SCN7A: variants seen among roughly 807,000 people sequenced by gnomAD.
SCN7A encodes the protein sodium voltage-gated channel alpha subunit 7.
In SCN7A, 138 loss-of-function variants were observed where a neutral mutation model predicts 155.2. The observed-to-expected ratio is 0.89, with a 90% confidence interval of 0.77 to 1.02. The LOEUF (loss-of-function observed/expected upper bound fraction) is 1.02. Among genes scored for constraint, SCN7A ranks in the 50% least tolerant of loss-of-function variants. The probability of loss-of-function intolerance (pLI) is 0.00; values close to 1 mark genes in which losing one functional copy is unlikely to be tolerated. For missense variants in SCN7A, 2,058 were observed against 1,986.6 expected (o/e 1.04, Z -0.68); for synonymous variants, 693 against 649.0 (o/e 1.07, Z -1.03).
At chr2:166,430,134 C>T (rs989675451) in intron 16 of SCN7A, among the ~76,000 whole-genome samples, 5 of 151,850 alleles carry the variant, frequency 3.3e-5, no homozygotes, top group African/African-American at 1.2e-4. Flanking sequence ...TGAAACCAAT[C>T]TTATTTCATA....
chr2:166,413,992 T>TATATATATATATATATAA (rs1701261414), intron 21 of SCN7A, among the ~76,000 whole-genome samples: 3 of 100,812 alleles, frequency 3.0e-5, no homozygotes, highest in African/African-American at 1.2e-4. Context: ...TATATATATA[T>TATATATATATATATATAA]ATATATATAT....
At chr2:166,473,197 A>C (rs1456186677) in intron 5 of SCN7A, among the ~76,000 whole-genome samples, 1 of 151,820 alleles carries the variant, frequency 6.6e-6, no homozygotes, top group Non-Finnish European at 1.5e-5. Context: ...AAAAAAAAAA[A>C]GTTCAATAAA....
intron 1 of SCN7A, among the ~76,000 whole-genome samples, chr2:166,488,072 G>A (rs1480501042): frequency 6.6e-6 from 1 of 152,192 alleles, no homozygotes; most frequent in African/African-American, 2.4e-5. Context: ...CAGAGTTAAT[G>A]TGACCATTGT....
At chr2:166,437,473 A>C (rs975578301) in intron 15 of SCN7A, among the ~76,000 whole-genome samples, 5 of 152,184 alleles carry the variant, frequency 3.3e-5, no homozygotes, top group Non-Finnish European at 7.4e-5. Flanking sequence ...AAAGAAATGT[A>C]GGGTTGGAGC....
At position 166,486,830 on chromosome 2, in the gene SCN7A, T is replaced by C. The variant is rs1172383; in HGVS notation, c.-15+26A>G. On this transcript the variant is annotated intron_variant, in intron 2 of 25. Coordinates refer to ENST00000643258, the MANE Select transcript of SCN7A (RefSeq NM_002976.4). The stretch of plus-strand genomic sequence containing the variant: ...TAGCCTGAGTATGAGAGATAGAGCA[T>C]ATACAGGAGTTGCTGAGGCAAATAC... The C allele has an allele frequency of 0.25, 38,481 of 152,144 alleles. 5,910 individuals carry two copies. The highest frequency in any genetic ancestry group is 0.33 in the East Asian group (1,719 of 5,166). 9.4% of individuals were successfully genotyped at this position (152,144 alleles called of 1,614,324 possible).
At chr2:166,475,093 C>CATATATATGTATATATATATATATATAT (rs1553520518) in intron 3 of SCN7A, among the ~76,000 whole-genome samples, 6 of 129,562 alleles carry the variant, frequency 4.6e-5, no homozygotes, top group African/African-American at 1.7e-4. Context: ...TATATATATA[C>CATATATATGTATATATATATATATATAT]ACATATATAT....
intron 2 of SCN7A, among the ~76,000 whole-genome samples, chr2:166,486,121 T>G (rs1703040471): frequency 6.6e-6 from 1 of 152,158 alleles, no homozygotes; most frequent in African/African-American, 2.4e-5. Flanking sequence ...AGTTCCAGAA[T>G]TAGGACATCC....
chr2:166,446,212 T>C (rs927418528), intron 12 of SCN7A, among the ~76,000 whole-genome samples: 1 of 152,086 alleles, frequency 6.6e-6, no homozygotes, highest in Non-Finnish European at 1.5e-5. Context: ...GGGCGAAGGA[T>C]ATGAACAGAT....
chr2:166,422,502 A>G (rs1046210195), intron 19 of SCN7A, among the ~76,000 whole-genome samples: 5 of 152,116 alleles, frequency 3.3e-5, no homozygotes, highest in African/African-American at 1.2e-4. Flanking sequence ...TAAGGCATCA[A>G]TGCCAGCCAA....
chr2:166,426,204 C>A (rs148452930), intron 18 of SCN7A, among the ~76,000 whole-genome samples: 3 of 152,062 alleles, frequency 2.0e-5, no homozygotes, highest in Non-Finnish European at 4.4e-5. Flanking sequence ...CAGAAGATTG[C>A]TATTTTTCAG....
Position 166,410,231 on chromosome 2 carries a change from G to A in SCN7A, c.3700C>T (p.Pro1234Ser). 1 of 1,550,460 alleles carries A rather than the reference G, an allele frequency of 6.4e-7. No individual in the cohort carries two copies. The highest frequency in any genetic ancestry group is 8.7e-7 in the Non-Finnish European group (1 of 1,145,116). ...AGACATTTTCTTACTAATGGGCGAG[G>A]TACTGGTCTTTGAGAATCCTCATAC... ...LMYEDSQRPV[P>S]RPLNKLQGFI... is the part of the protein sequence containing the mutation. The change falls in exon 24 of 26, where the codon CCT becomes TCT. Residue 1234 changes from proline to serine, a missense_variant. Physicochemically the swap from Pro to Ser is moderately conservative, Grantham distance 74. Transcript: ENST00000643258.
chr2:166,426,406 T>C (rs1001023387), intron 18 of SCN7A, among the ~76,000 whole-genome samples: 2 of 152,030 alleles, frequency 1.3e-5, no homozygotes, highest in Admixed American at 1.3e-4. Context: ...AGGTGGACTC[T>C]GGGGTCTTTG....
intron 21 of SCN7A, among the ~76,000 whole-genome samples, chr2:166,413,981 G>GTATA (rs556351441): frequency 0.023 from 1,204 of 53,486 alleles, 110 homozygotes; most frequent in African/African-American, 0.048. Context: ...ATGTGTATGT[G>GTATA]TATATATATA....
At chr2:166,478,270 G>A (rs1042246909) in intron 2 of SCN7A, among the ~76,000 whole-genome samples, 7 of 150,210 alleles carry the variant, frequency 4.7e-5, no homozygotes, top group Non-Finnish European at 1.0e-4. Context: ...TACACGTTGT[G>A]CACGTATACC....
chr2:166,425,692 C>G (rs931631593), intron 18 of SCN7A, among the ~76,000 whole-genome samples: 2 of 152,056 alleles, frequency 1.3e-5, no homozygotes, highest in Non-Finnish European at 2.9e-5. Context: ...ACATCACCTT[C>G]TTTTCTGACA....
intron 2 of SCN7A, among the ~76,000 whole-genome samples, chr2:166,479,288 G>C (rs1702868942): frequency 6.6e-6 from 1 of 152,036 alleles, no homozygotes; most frequent in South Asian, 2.1e-4. Context: ...CATAAGATAA[G>C]TATTTAATAT....
chr2:166,477,133 T>G (rs1702816604), intron 3 of SCN7A, among the ~76,000 whole-genome samples: 1 of 152,000 alleles, frequency 6.6e-6, no homozygotes, highest in African/African-American at 2.4e-5. Flanking sequence ...GTTCTGGGCA[T>G]TTTATAGGCA....
Position 166,465,778 on chromosome 2 carries a change from T to C in SCN7A, c.871+3A>G, listed in dbSNP as rs765549088. The C allele has an allele frequency of 2.5e-6, 4 of 1,613,460 alleles. No individual in the cohort carries two copies. Among genetic ancestry groups the C allele is most frequent in the African/African-American group, 1.3e-5 (1 of 74,930 alleles). On this transcript the variant is annotated splice_donor_region_variant and intron_variant, in intron 8 of 25. Coordinates refer to ENST00000643258, the MANE Select transcript of SCN7A (RefSeq NM_002976.4). ...TTGATATACATGGCAAGGTGATTCT[T>C]ACCTCGAATATAATATGGGTTTCCA...
At chr2:166,436,125 C>G (rs935289581) in intron 15 of SCN7A, among the ~76,000 whole-genome samples, 2 of 152,084 alleles carry the variant, frequency 1.3e-5, no homozygotes, top group African/African-American at 2.4e-5. Flanking sequence ...AAAGAGGCTG[C>G]GTAATATGCA....
Sources: gnomAD v4.1 joint callset for allele counts (sites outside exome capture counted in the v4.1 genomes callset) on GRCh38, gnomAD v4.1.1 for gene constraint, MANE v1.5 for transcripts, NCBI Gene and HGNC (gene_info 2026-07-23, HGNC 2026-07-21) for gene names.